EFCAB11: variants seen among roughly 807,000 people sequenced by gnomAD.
EFCAB11 encodes EF-hand calcium binding domain 11, also known as EF-hand calcium-binding domain-containing protein 11.
A neutral mutation model predicts 23.0 loss-of-function variants in EFCAB11; 14 were observed. That is an observed-to-expected ratio of 0.61 (90% CI 0.40 to 0.95). The LOEUF (loss-of-function observed/expected upper bound fraction) is 0.95. Among genes scored for constraint, EFCAB11 ranks in the 40% least tolerant of loss-of-function variants. EFCAB11 has a pLI of 0.00. For synonymous variants in EFCAB11, 65 were observed against 66.6 expected (o/e 0.98, Z 0.11); for missense variants, 198 against 195.8 (o/e 1.01, Z -0.07).
chr14:89,868,095 A>G (rs1011123405), intron 5 of EFCAB11, among the ~76,000 whole-genome samples: 2 of 152,216 alleles, frequency 1.3e-5, no homozygotes, highest in Non-Finnish European at 2.9e-5. Context: ...AAACCAATCC[A>G]TTCTTAATTG....
At chr14:89,887,161 CAAT>C (rs1888815707) in intron 5 of EFCAB11, among the ~76,000 whole-genome samples, 1 of 152,014 alleles carries the variant, frequency 6.6e-6, no homozygotes, top group Admixed American at 6.5e-5. Context: ...GACAGATAGA[CAAT>C]AAGGAAACAA....
chr14:89,879,710 G>T (rs1423307593), intron 5 of EFCAB11, among the ~76,000 whole-genome samples: 1 of 152,136 alleles, frequency 6.6e-6, no homozygotes, highest in Admixed American at 6.5e-5. Flanking sequence ...GGCTCATATA[G>T]ACTCTTGTTC....
chr14:89,887,256 T>G (rs1053608678), intron 5 of EFCAB11, among the ~76,000 whole-genome samples: 1 of 152,150 alleles, frequency 6.6e-6, no homozygotes, highest in African/African-American at 2.4e-5. Flanking sequence ...GGATGGGAGA[T>G]GGAGTGAAGT....
intron 5 of EFCAB11, among the ~76,000 whole-genome samples, chr14:89,921,647 G>A (rs1890025190): frequency 1.3e-5 from 2 of 152,154 alleles, no homozygotes; most frequent in African/African-American, 4.8e-5. Context: ...GCCTGATGGA[G>A]GAGAACGATG....
chr14:89,875,121 A>T (rs1368154396), intron 5 of EFCAB11, among the ~76,000 whole-genome samples: 4 of 152,146 alleles, frequency 2.6e-5, no homozygotes, highest in African/African-American at 9.7e-5. Flanking sequence ...CCCTCTAAGA[A>T]GTTGGGGGAT....
chr14:89,811,561 G>C (rs925913334), intron 5 of EFCAB11, among the ~76,000 whole-genome samples: 28 of 152,096 alleles, frequency 1.8e-4, no homozygotes, highest in African/African-American at 4.8e-4. Flanking sequence ...AATCTTAGGG[G>C]ACTTTAAAAG....
At chr14:89,809,023 A>T (rs1886064545) in intron 5 of EFCAB11, among the ~76,000 whole-genome samples, 1 of 152,204 alleles carries the variant, frequency 6.6e-6, no homozygotes, top group Non-Finnish European at 1.5e-5. Context: ...CCCTGCATTA[A>T]TTCTCAAAGT....
Position 89,938,893 on chromosome 14 carries a change from C to T in EFCAB11, c.218-6266G>A, listed in dbSNP as rs145470907. Among the ~76,000 whole-genome samples the T allele has an allele frequency of 8.2e-3, 1,245 of 150,930 alleles. 15 individuals are homozygous for T. Among genetic ancestry groups the T allele is most frequent in the African/African-American group, 0.028 (1,130 of 41,024 alleles). The stretch of plus-strand genomic sequence containing the variant: ...GGCAGAGGTTGCAGTGAGCCAAGAC[C>T]GCGCCACTGCACTCCAGCCTGGGCA... On this transcript the variant is annotated intron_variant, in intron 3 of 5. Transcript: ENST00000316738.
At chr14:89,866,335 C>T (rs192978645) in intron 5 of EFCAB11, among the ~76,000 whole-genome samples, 4 of 152,326 alleles carry the variant, frequency 2.6e-5, no homozygotes, top group African/African-American at 4.8e-5. Context: ...CCCAATTAAA[C>T]GCATGGCCAG....
intron 5 of EFCAB11, among the ~76,000 whole-genome samples, chr14:89,836,852 C>T (rs1191172255): frequency 6.6e-6 from 1 of 152,104 alleles, no homozygotes; most frequent in Non-Finnish European, 1.5e-5. Flanking sequence ...AACCTCGTCT[C>T]TACTAAAAAT....
intron 5 of EFCAB11, among the ~76,000 whole-genome samples, chr14:89,920,457 T>C (rs542800828): frequency 1.3e-3 from 201 of 152,302 alleles, no homozygotes; most frequent in African/African-American, 4.6e-3. Context: ...ATGACAGTGA[T>C]TAAGAGCATA....
intron 5 of EFCAB11, among the ~76,000 whole-genome samples, chr14:89,807,044 A>T (rs1367504269): frequency 6.6e-6 from 1 of 152,218 alleles, no homozygotes; most frequent in Non-Finnish European, 1.5e-5. Context: ...AGCCATTTCT[A>T]TTTCAAATAT....
At chr14:89,909,876 C>A (rs75691842) in intron 5 of EFCAB11, among the ~76,000 whole-genome samples, 9,493 of 152,266 alleles carry the variant, frequency 0.062, 993 homozygotes, top group African/African-American at 0.21. Flanking sequence ...CTGGCTAAGG[C>A]GAAGTCAGGC....
chr14:89,802,919 G>C (rs559958762), intron 5 of EFCAB11, among the ~76,000 whole-genome samples: 40 of 152,224 alleles, frequency 2.6e-4, no homozygotes, highest in African/African-American at 9.1e-4. Flanking sequence ...ATCCACAACA[G>C]CTAGCGCTGG....
At chr14:89,932,927 C>A (rs994365794) in intron 3 of EFCAB11, among the ~76,000 whole-genome samples, 1 of 152,204 alleles carries the variant, frequency 6.6e-6, no homozygotes, top group Admixed American at 6.5e-5. Flanking sequence ...CTGTAACACT[C>A]TTCCCTCTAA....
At chr14:89,913,651 C>T (rs1889749907) in intron 5 of EFCAB11, among the ~76,000 whole-genome samples, 1 of 152,100 alleles carries the variant, frequency 6.6e-6, no homozygotes, top group Non-Finnish European at 1.5e-5. Flanking sequence ...CTATACTGGG[C>T]TAAAGCTCCT....
intron 5 of EFCAB11, among the ~76,000 whole-genome samples, chr14:89,821,823 A>G (rs1886528411): frequency 6.6e-6 from 1 of 152,232 alleles, no homozygotes; most frequent in African/African-American, 2.4e-5. Flanking sequence ...ACACTCATGT[A>G]ATAATGAGCA....
At chr14:89,894,886 C>T (rs767213852) in intron 5 of EFCAB11, among the ~76,000 whole-genome samples, 9 of 151,820 alleles carry the variant, frequency 5.9e-5, no homozygotes, top group African/African-American at 9.7e-5. Context: ...GCAACAAAAA[C>T]GATAAAATAT....
chr14:89,935,066 T>G (rs1339323411), intron 3 of EFCAB11, among the ~76,000 whole-genome samples: 1 of 152,186 alleles, frequency 6.6e-6, no homozygotes, highest in African/African-American at 2.4e-5. Context: ...TTGTATCTCC[T>G]TCCAGATGCA....
Sources: allele counts gnomAD v4.1 joint callset (sites outside exome capture counted in the v4.1 genomes callset), GRCh38; gene constraint gnomAD v4.1.1; transcripts MANE v1.5; gene names NCBI Gene and HGNC (gene_info 2026-07-23, HGNC 2026-07-21).